SENP7: variants seen among roughly 807,000 people sequenced by gnomAD.
SENP7 encodes the protein sentrin-specific protease 7.
SENP7 carries 64 observed loss-of-function variants against 141.2 expected under a neutral mutation model. The observed-to-expected ratio is 0.45, with a 90% CI of 0.37 to 0.56. SENP7 has a LOEUF of 0.56. SENP7 is among the 20% of genes least tolerant of loss of function. SENP7 has a pLI of 0.00. For missense variants in SENP7, 1,025 were observed against 1,212.2 expected, an observed-to-expected ratio of 0.85 and a Z score of 2.29; for synonymous variants, 382 against 426.4, an observed-to-expected ratio of 0.90 and a Z score of 1.28.
intron 7 of SENP7, among the ~76,000 whole-genome samples, chr3:101,371,714 A>T (rs1168536808): frequency 1.3e-5 from 2 of 152,172 alleles, no homozygotes; most frequent in African/African-American, 4.8e-5. Context: ...ATATCCATGG[A>T]AACAACACTT....
At chr3:101,452,259 G>T (rs2063169248) in intron 4 of SENP7, among the ~76,000 whole-genome samples, 1 of 152,180 alleles carries the variant, frequency 6.6e-6, no homozygotes, top group Admixed American at 6.6e-5. Context: ...TGGGTAGGAA[G>T]AATCAATATC....
At chr3:101,497,290 T>C (rs1007664144) in intron 2 of SENP7, among the ~76,000 whole-genome samples, 1 of 152,206 alleles carries the variant, frequency 6.6e-6, no homozygotes, top group African/African-American at 2.4e-5. Flanking sequence ...ATGTTGTATG[T>C]GTGAACATAT....
In SENP7 at chr3:101,330,363, TC is replaced by T; in HGVS notation, c.2721del (p.Thr908HisfsTer4). 6.2e-7 allele frequency: 1 copy of T among 1,608,658 alleles called. No individual in the cohort carries two copies. Among genetic ancestry groups the T allele is most frequent in the Non-Finnish European group, 8.5e-7 (1 of 1,175,496 alleles). On this transcript the variant is annotated frameshift_variant, in exon 20 of 24. Coordinates refer to ENST00000394095, the MANE Select transcript of SENP7 (RefSeq NM_020654.5). LOFTEE classifies it high-confidence loss of function. Reference sequence around the variant, plus strand: ...GAATCCTCTGCACTCAAAGACAGTGTCGAAGTAGTACGTAGATCATTATCTA... The same window carrying T: ...GAATCCTCTGCACTCAAAGACAGTGTGAAGTAGTACGTAGATCATTATCTA... ...KTIDNDLRTT[S>X]TLSLSAEDSQ... is the part of the protein sequence containing the mutation.
chr3:101,476,884 G>A (rs1310574735), intron 3 of SENP7, among the ~76,000 whole-genome samples: 11 of 152,076 alleles, frequency 7.2e-5, no homozygotes, highest in African/African-American at 1.7e-4. Context: ...TTTGTTGGCC[G>A]CATAAATGTC....
At chr3:101,337,306 A>G in intron 17 of SENP7, 1 of 330,904 alleles carries the variant, frequency 3.0e-6, no homozygotes. Flanking sequence ...TTGGAAATGC[A>G]GACTGCAAGT....
chr3:101,426,780 C>A (rs1358612703), intron 4 of SENP7, among the ~76,000 whole-genome samples: 1 of 152,124 alleles, frequency 6.6e-6, no homozygotes, highest in Non-Finnish European at 1.5e-5. Context: ...TGGCACCCAG[C>A]CTAAGAAGAT....
intron 3 of SENP7, among the ~76,000 whole-genome samples, chr3:101,474,019 G>C (rs1404474100): frequency 6.6e-6 from 1 of 152,020 alleles, no homozygotes; most frequent in Non-Finnish European, 1.5e-5. Context: ...TTTTTGTCAG[G>C]TTTGCCAAAG....
chr3:101,366,306 A>G (rs2060036297), intron 9 of SENP7, 124 bp downstream of exon 9: 1 of 590,754 alleles, frequency 1.7e-6, no homozygotes, highest in Non-Finnish European at 2.8e-6. Flanking sequence ...TCCTAAAGTT[A>G]ATATATTCCA....
At chr3:101,494,845 C>T (rs1209025430) in intron 2 of SENP7, among the ~76,000 whole-genome samples, 1 of 151,980 alleles carries the variant, frequency 6.6e-6, no homozygotes. Context: ...AAAAACCCTA[C>T]AAGAAAATCA....
intron 2 of SENP7, among the ~76,000 whole-genome samples, chr3:101,498,742 C>T (rs932935738): frequency 4.6e-5 from 7 of 152,130 alleles, no homozygotes; most frequent in African/African-American, 7.2e-5. Context: ...CAGCAGGAGG[C>T]GAGCAGCACG....
chr3:101,422,734 T>TA (rs1209940069), intron 4 of SENP7, among the ~76,000 whole-genome samples: 1 of 152,076 alleles, frequency 6.6e-6, no homozygotes, highest in Non-Finnish European at 1.5e-5. Flanking sequence ...ATCGCATTCC[T>TA]AAAAAATAAG....
chr3:101,432,682 C>G (rs980545148), intron 4 of SENP7, among the ~76,000 whole-genome samples: 6 of 152,208 alleles, frequency 3.9e-5, no homozygotes, highest in Admixed American at 6.5e-5. Flanking sequence ...ACAAGACTAT[C>G]AAGACAGTAT....
At chr3:101,372,480 C>T (rs1040347680) in intron 6 of SENP7, among the ~76,000 whole-genome samples, 3 of 152,014 alleles carry the variant, frequency 2.0e-5, no homozygotes, top group African/African-American at 7.2e-5. Context: ...TATGTATAGG[C>T]AAACAATTAT....
chr3:101,417,580 C>T lies in SENP7; in HGVS notation c.482+13G>A, dbSNP rs746244716. 2 of 1,597,696 alleles carry T rather than the reference C, an allele frequency of 1.3e-6. No homozygotes were observed. The highest frequency in any genetic ancestry group is 2.2e-5 in the South Asian group (2 of 90,718). ...TGTGGTAAGTTGAACAAAATCAATA[C>T]TGAACAACATACCTTTCAGATAAAT... On this transcript the variant is annotated intron_variant, in intron 5 of 23. Transcript: ENST00000394095.
rs186699752 is a variant in SENP7, at chr3:101,325,501, G to A, written c.*442C>T. The A allele has an allele frequency of 2.8e-4, 43 of 152,594 alleles. 1 individual carries two copies. The highest frequency in any genetic ancestry group is 4.4e-4 in the Non-Finnish European group (30 of 68,026). The allele number at this position is 152,594 out of a possible 1,614,324, so 9.5% of individuals were successfully genotyped here. A position where few individuals can be genotyped will look rare whatever the true frequency, so the allele number is the denominator to read the frequency against. Reference sequence around the variant, plus strand: ...CACAGTATTCATACTGCATGCTTGAGCTGCAAAGAATAGAATTACAATATG... The same window carrying A: ...CACAGTATTCATACTGCATGCTTGAACTGCAAAGAATAGAATTACAATATG... On this transcript the variant is annotated 3_prime_UTR_variant, in exon 24 of 24. Transcript: ENST00000394095.
At chr3:101,503,726 G>A (rs776879654) in intron 1 of SENP7, among the ~76,000 whole-genome samples, 19 of 151,890 alleles carry the variant, frequency 1.3e-4, no homozygotes, top group Non-Finnish European at 2.5e-4. Flanking sequence ...TGGGTAGATC[G>A]CTTGAGCTCA....
rs148037323 is a variant in SENP7, at chr3:101,394,574, G to A, written c.677+4287C>T. ...GTCGCCCAGGCTGGAGTGCAGTGGC[G>A]CAATCTCGGCCCACTGTAAGCTCCG... On this transcript the variant is annotated intron_variant, in intron 6 of 23. Transcript: ENST00000394095. Among the ~76,000 whole-genome samples, 157 of 151,766 alleles carry A rather than the reference G, an allele frequency of 1.0e-3. 2 individuals carry two copies. The highest frequency in any genetic ancestry group is 6.8e-3 in the Middle Eastern group (2 of 294).
intron 5 of SENP7, among the ~76,000 whole-genome samples, chr3:101,409,635 C>T (rs1209461454): frequency 6.6e-6 from 1 of 152,120 alleles, no homozygotes; most frequent in Non-Finnish European, 1.5e-5. Flanking sequence ...AACCCAAATA[C>T]TTACAGCCAA....
intron 21 of SENP7, 26 bp downstream of exon 21, chr3:101,328,620 G>A (rs752798577): frequency 6.2e-7 from 1 of 1,603,754 alleles, no homozygotes; most frequent in South Asian, 1.1e-5. Flanking sequence ...TCAAAAAACT[G>A]TATTATTATT....
Sources: gnomAD v4.1 joint callset for allele counts (sites outside exome capture counted in the v4.1 genomes callset) on GRCh38, gnomAD v4.1.1 for gene constraint, MANE v1.5 for transcripts, NCBI Gene and HGNC (gene_info 2026-07-23, HGNC 2026-07-21) for gene names.